EEF2KMT: variants seen among roughly 807,000 people sequenced by gnomAD.
EEF2KMT encodes eukaryotic elongation factor 2 lysine methyltransferase, also known as protein-lysine N-methyltransferase EEF2KMT.
In EEF2KMT, 30 loss-of-function variants were observed where a neutral mutation model predicts 35.1. That is an observed-to-expected ratio of 0.85 (90% CI 0.64 to 1.16). The LOEUF is 1.16. Among genes scored for constraint, EEF2KMT ranks in the 50% most tolerant of loss-of-function variants. The probability of loss-of-function intolerance (pLI) is 0.00; values close to 1 mark genes in which losing one functional copy is unlikely to be tolerated. For missense variants in EEF2KMT, 499 were observed against 438.2 expected (o/e 1.14, Z -1.24); for synonymous variants, 190 against 187.7 (o/e 1.01, Z -0.10).
chr16:5,091,762 C>T lies in EEF2KMT; in HGVS notation c.342+32G>A, dbSNP rs573912229. 119 of 1,610,570 alleles carry T rather than the reference C, an allele frequency of 7.4e-5. 4 individuals are homozygous for T. The South Asian group carries it at 1.2e-3, about 17-fold the overall frequency. On this transcript the variant is annotated intron_variant, in intron 4 of 7. Transcript: ENST00000427587. ...TGTCTGTGCAGGAAGGGTATCTGGG[C>T]TGTGAGGGGGAGGAGGGTGCCCTTC... is the stretch of plus-strand genomic sequence containing the variant.
In EEF2KMT at chr16:5,090,408, C is replaced by T. The variant is rs1957317394; in HGVS notation, c.476+24G>A. 6.2e-7 allele frequency: 1 copy of T among 1,611,850 alleles called. No homozygotes were observed. The highest frequency in any genetic ancestry group is 1.3e-5 in the African/African-American group (1 of 74,832). On this transcript the variant is annotated intron_variant, in intron 5 of 7. Coordinates refer to ENST00000427587, the MANE Select transcript of EEF2KMT (RefSeq NM_201400.4). This position sits in a 1 kb window ranked among gnomAD's most constrained non-coding sequence, Gnocchi z 4.1. ...GCACCAGGGTAAGCCTGCCTCGGTG[C>T]CCTGCCCTGCGCCCCGAGGTCACCT... is the stretch of plus-strand genomic sequence containing the variant.
rs34399333 is a variant in EEF2KMT, at chr16:5,087,800, C to CAA, written c.892+1305_892+1306dup. ...GGCAATACAAAGCCAGACTCTGTCT[C>CAA]AAAAAAAAAAAAAAAAAAAAAGGTG... is the stretch of plus-strand genomic sequence containing the variant. On this transcript the variant is annotated intron_variant, in intron 7 of 7. Coordinates refer to ENST00000427587, the MANE Select transcript of EEF2KMT (RefSeq NM_201400.4). Among the ~76,000 whole-genome samples the CAA allele has an allele frequency of 4.7e-3, 344 of 73,112 alleles. 3 individuals are homozygous for CAA. Among genetic ancestry groups the CAA allele is most frequent in the Non-Finnish European group, 6.3e-3 (247 of 39,044 alleles). 48.0% of individuals were successfully genotyped at this position (73,112 alleles called of 152,430 possible).
At chr16:5,093,818 T>C (rs1414509803) in intron 2 of EEF2KMT, among the ~76,000 whole-genome samples, 1 of 152,218 alleles carries the variant, frequency 6.6e-6, no homozygotes, top group Non-Finnish European at 1.5e-5. Context: ...ACACAGGGCA[T>C]GTGGGCCCAA....
chr16:5,086,452 CTTTT>C (rs1010051984), intron 7 of EEF2KMT: 1 of 150,552 alleles, frequency 6.6e-6, no homozygotes, highest in Non-Finnish European at 1.5e-5. Context: ...CAGAATGATT[CTTTT>C]TTTTTGTTTT....
chr16:5,093,884 G>A (rs1050501950), intron 2 of EEF2KMT, among the ~76,000 whole-genome samples: 18 of 152,242 alleles, frequency 1.2e-4, no homozygotes, highest in African/African-American at 3.4e-4. Context: ...AAGGACAGTC[G>A]CCAACGGTCT....
chr16:5,084,878 A>G lies in EEF2KMT; in HGVS notation c.*754T>C, dbSNP rs1957097874. On this transcript the variant is annotated 3_prime_UTR_variant, in exon 8 of 8. Transcript: ENST00000427587. Reference sequence around the variant, plus strand: ...CTGTGCTCCCTTTGGTTATGGACACATAACTCCTGGGCCAGAGGCTAAAAC... The same window carrying G: ...CTGTGCTCCCTTTGGTTATGGACACGTAACTCCTGGGCCAGAGGCTAAAAC... 4.8e-5 allele frequency: 76 copies of G among 1,593,244 alleles called. No individual in the cohort carries two copies. The highest frequency in any genetic ancestry group is 6.3e-5 in the Non-Finnish European group (74 of 1,178,506).
In EEF2KMT at chr16:5,089,133, G is replaced by T. The variant is rs183907128; in HGVS notation, c.866C>A (p.Thr289Lys). The change falls in exon 7 of 8, where the codon ACG becomes AAG. Residue 289 changes from threonine (T) to lysine (K), a missense_variant. Coordinates refer to ENST00000427587, the MANE Select transcript of EEF2KMT (RefSeq NM_201400.4). Reference sequence around the variant, plus strand: ...TAGCTCGGTGGTGAACAGCTGGCACGTCTCTGGGTTGCGGACGGTAAAGGC... The same window carrying T: ...TAGCTCGGTGGTGAACAGCTGGCACTTCTCTGGGTTGCGGACGGTAAAGGC... ...YVAFTVRNPETCQLFTTELGR... is the reference protein window; with the variant it reads ...YVAFTVRNPEKCQLFTTELGR... The T allele has an allele frequency of 6.2e-7, 1 of 1,612,828 alleles. No homozygotes were observed. The highest frequency in any genetic ancestry group is 1.7e-5 in the Admixed American group (1 of 60,022).
intron 2 of EEF2KMT, among the ~76,000 whole-genome samples, chr16:5,093,923 C>A (rs1461743318): frequency 2.0e-5 from 3 of 152,238 alleles, no homozygotes; most frequent in African/African-American, 7.2e-5. Context: ...GGAAGGCCCA[C>A]TCGGCAACTG....
chr16:5,088,290 T>A (rs887443896), intron 7 of EEF2KMT, among the ~76,000 whole-genome samples: 5 of 152,262 alleles, frequency 3.3e-5, no homozygotes, highest in Admixed American at 6.5e-5. Context: ...ACCCAGTACG[T>A]CTTCGTGTGC....
chr16:5,096,615 C>T (rs1373558421), intron 1 of EEF2KMT, among the ~76,000 whole-genome samples: 3 of 152,162 alleles, frequency 2.0e-5, no homozygotes, highest in African/African-American at 2.4e-5. Context: ...CAGTCACTTG[C>T]CCAAGGTCAC....
chr16:5,088,236 C>T (rs925277732), intron 7 of EEF2KMT, among the ~76,000 whole-genome samples: 42 of 144,470 alleles, frequency 2.9e-4, no homozygotes, highest in Admixed American at 2.2e-3. Context: ...GCCCTGCGCC[C>T]GGCCAGCCTC....
chr16:5,087,982 C>T (rs1957245786), intron 7 of EEF2KMT, among the ~76,000 whole-genome samples: 2 of 147,042 alleles, frequency 1.4e-5, no homozygotes, highest in South Asian at 2.1e-4. Context: ...TGCTCTGTTG[C>T]CCAGGCTGGA....
Position 5,089,221 on chromosome 16 carries a change from C to G in EEF2KMT, c.778G>C (p.Val260Leu). The change falls in exon 7 of 8, where the codon GTC (valine) becomes CTC (leucine). Residue 260 changes from valine to leucine, a missense_variant. Physicochemically the swap from Val to Leu is conservative, Grantham distance 32. Transcript: ENST00000427587. ...LYCPEAIMSLVGVLRRLAACR... is the reference protein window; with the variant it reads ...LYCPEAIMSLLGVLRRLAACR... Reference sequence around the variant, plus strand: ...GCAGCCAGCCTCCGCAGGACCCCGACCAGCGACATGATGGCTTCTGGGCAA... The same window carrying G: ...GCAGCCAGCCTCCGCAGGACCCCGAGCAGCGACATGATGGCTTCTGGGCAA... 6.2e-7 allele frequency: 1 copy of G among 1,607,908 alleles called. No homozygotes were observed.
Position 5,085,094 on chromosome 16 carries a change from CTCT to C in EEF2KMT, c.*535_*537del, listed in dbSNP as rs368205784. 146 of 841,024 alleles carry C rather than the reference CTCT, an allele frequency of 1.7e-4. 1 individual carries two copies. The highest frequency in any genetic ancestry group is 1.6e-3 in the East Asian group (60 of 37,622). The allele number at this position is 841,024 out of a possible 1,614,324, so 52.1% of individuals were successfully genotyped here. ...CTCTGGAGGCTTGGAAACGCTTCCT[CTCT>C]TCTTCTGTTCTTCACGCCCCATGCC... On this transcript the variant is annotated 3_prime_UTR_variant, in exon 8 of 8. Coordinates refer to ENST00000427587, the MANE Select transcript of EEF2KMT (RefSeq NM_201400.4).
rs1053885193 is a variant in EEF2KMT, at chr16:5,084,639, G to A, written c.*993C>T. On this transcript the variant is annotated 3_prime_UTR_variant, in exon 8 of 8. Coordinates refer to ENST00000427587, the MANE Select transcript of EEF2KMT (RefSeq NM_201400.4). Reference sequence around the variant, plus strand: ...TCTCGAGTCCAAGTGAGGGAGTTAGGGACTTGGGAGGGGTTGTTGTTGGGT... The same window carrying A: ...TCTCGAGTCCAAGTGAGGGAGTTAGAGACTTGGGAGGGGTTGTTGTTGGGT... The A allele has an allele frequency of 3.1e-5, 47 of 1,503,524 alleles. No homozygotes were observed. Among genetic ancestry groups the A allele is most frequent in the Middle Eastern group, 2.3e-4 (1 of 4,280 alleles). 93.1% of individuals were successfully genotyped at this position (1,503,524 alleles called of 1,614,324 possible).
chr16:5,093,014 G>A (rs1212590820), intron 3 of EEF2KMT, among the ~76,000 whole-genome samples: 2 of 152,226 alleles, frequency 1.3e-5, no homozygotes, highest in African/African-American at 4.8e-5. Flanking sequence ...AGTCAGGAAA[G>A]AGCTCATTCC....
Position 5,084,736 on chromosome 16 carries a change from T to G in EEF2KMT, c.*896A>C. On this transcript the variant is annotated 3_prime_UTR_variant, in exon 8 of 8. Coordinates refer to ENST00000427587, the MANE Select transcript of EEF2KMT (RefSeq NM_201400.4). ...CAGGCAATGAGGTAAGCTCTGCTCT[T>G]TATTTTTTTGCAGATGCTTTTCTCA... The G allele has an allele frequency of 6.3e-7, 1 of 1,596,410 alleles. No homozygotes were observed.
rs770772118 is a variant in EEF2KMT, at chr16:5,093,532, C to T, written c.192G>A (p.Pro64=). The T allele has an allele frequency of 2.7e-5, 43 of 1,611,820 alleles. No homozygotes were observed. The highest frequency in any genetic ancestry group is 1.2e-4 in the African/African-American group (9 of 74,844). Residue 64 remains proline, a synonymous_variant, in exon 3 of 8, where the codon CCG becomes CCA. Coordinates refer to ENST00000427587, the MANE Select transcript of EEF2KMT (RefSeq NM_201400.4). ...AGCACCGGGCATATTTGACGGACGG[C>T]GGGTGCTTCACACACACAGGATGCT... ...TVKHPVCVKH[P]PSVKYARCFL... is the part of the protein sequence containing the mutation.
At chr16:5,091,703 G>A (rs1957343500) in intron 4 of EEF2KMT, 91 bp downstream of exon 4, 2 of 1,570,058 alleles carry the variant, frequency 1.3e-6, no homozygotes, top group Admixed American at 3.7e-5. Context: ...GAATGGGTGA[G>A]TCAGGATTTG....
Sources: gnomAD v4.1 joint callset for allele counts (sites outside exome capture counted in the v4.1 genomes callset) on GRCh38, gnomAD v4.1.1 for gene constraint, Gnocchi (gnomAD v3.1) non-coding constraint, MANE v1.5 for transcripts, NCBI Gene and HGNC (gene_info 2026-07-23, HGNC 2026-07-21) for gene names.